The following SLC25A21 variants were observed in gnomAD, a reference collection of about 807,000 sequenced individuals.
The protein encoded by SLC25A21 is solute carrier family 25 member 21.
In SLC25A21, 47 loss-of-function variants were observed where a neutral mutation model predicts 43.8. The ratio of observed to expected loss-of-function variants is 1.07; its 90% CI spans 0.85 to 1.37. The LOEUF (loss-of-function observed/expected upper bound fraction) is 1.37, where lower values mean the gene tolerates loss of function less well. SLC25A21 is among the 40% of genes most tolerant of loss of function. The probability of loss-of-function intolerance (pLI) is 0.00; values close to 1 mark genes in which losing one functional copy is unlikely to be tolerated. For synonymous variants in SLC25A21, 131 were observed against 121.3 expected (o/e 1.08, Z -0.52); for missense variants, 352 against 350.2 (o/e 1.00, Z -0.04).
chr14:36,913,944 T>A (rs1003124336), intron 1 of SLC25A21, among the ~76,000 whole-genome samples: 3 of 152,218 alleles, frequency 2.0e-5, no homozygotes, highest in Admixed American at 1.3e-4. Context: ...TTACAATATG[T>A]GATTGATTAC....
At chr14:36,965,826 G>A (rs1959599790) in intron 1 of SLC25A21, among the ~76,000 whole-genome samples, 1 of 152,058 alleles carries the variant, frequency 6.6e-6, no homozygotes, top group African/African-American at 2.4e-5. Context: ...ATATACTTTG[G>A]TTTGAGATAA....
intron 1 of SLC25A21, among the ~76,000 whole-genome samples, chr14:36,977,467 A>C (rs1435377342): frequency 6.6e-6 from 1 of 152,158 alleles, no homozygotes; most frequent in Non-Finnish European, 1.5e-5. Context: ...AATAATACAG[A>C]ATCTCTCTAA....
chr14:36,790,540 T>C (rs1303597365), intron 3 of SLC25A21, among the ~76,000 whole-genome samples: 2 of 152,180 alleles, frequency 1.3e-5, no homozygotes, highest in Non-Finnish European at 2.9e-5. Flanking sequence ...GAACCTATAT[T>C]GGATAAATAC....
chr14:37,032,783 TTACTA>T (rs1163132860), intron 1 of SLC25A21, among the ~76,000 whole-genome samples: 1 of 152,116 alleles, frequency 6.6e-6, no homozygotes, highest in East Asian at 1.9e-4. Context: ...TATGTGGAGT[TTACTA>T]TACTATTCAG....
At chr14:36,785,155 A>G (rs1887202361) in intron 3 of SLC25A21, among the ~76,000 whole-genome samples, 1 of 152,212 alleles carries the variant, frequency 6.6e-6, no homozygotes, top group Non-Finnish European at 1.5e-5. Context: ...GGAATGGGTC[A>G]GGGAAATCCA....
At chr14:36,791,814 T>C (rs1887495235) in intron 3 of SLC25A21, among the ~76,000 whole-genome samples, 1 of 152,118 alleles carries the variant, frequency 6.6e-6, no homozygotes, top group Admixed American at 6.5e-5. Flanking sequence ...TATTTGAAAA[T>C]TTAAGAGTCA....
chr14:36,968,397 G>C (rs1959668138), intron 1 of SLC25A21, among the ~76,000 whole-genome samples: 1 of 152,114 alleles, frequency 6.6e-6, no homozygotes, highest in Non-Finnish European at 1.5e-5. Context: ...ATTAAATGTA[G>C]TGGAGCAGTG....
At chr14:37,107,889 C>G (rs1289026898) in intron 1 of SLC25A21, among the ~76,000 whole-genome samples, 1 of 152,138 alleles carries the variant, frequency 6.6e-6, no homozygotes, top group Non-Finnish European at 1.5e-5. Context: ...GTAAAAATGA[C>G]AATAGGCCTC....
chr14:36,825,856 G>C (rs965054020), intron 2 of SLC25A21, among the ~76,000 whole-genome samples: 1 of 152,046 alleles, frequency 6.6e-6, no homozygotes, highest in African/African-American at 2.4e-5. Context: ...ATTTCCGCTG[G>C]GGTGAATTGT....
At chr14:36,887,494 C>T (rs911033433) in intron 1 of SLC25A21, among the ~76,000 whole-genome samples, 4 of 148,794 alleles carry the variant, frequency 2.7e-5, no homozygotes, top group African/African-American at 9.9e-5. Context: ...ACCTGGGAGG[C>T]GGATGTTGCA....
chr14:36,883,499 A>G (rs1890815221), intron 1 of SLC25A21, among the ~76,000 whole-genome samples: 1 of 152,204 alleles, frequency 6.6e-6, no homozygotes, highest in Non-Finnish European at 1.5e-5. Context: ...CTAACATACT[A>G]TATCATTTAT....
At chr14:36,964,021 A>G (rs1959558735) in intron 1 of SLC25A21, among the ~76,000 whole-genome samples, 1 of 152,140 alleles carries the variant, frequency 6.6e-6, no homozygotes, top group South Asian at 2.1e-4. Context: ...TTTCTTATGC[A>G]CATATATAAT....
intron 1 of SLC25A21, among the ~76,000 whole-genome samples, chr14:36,905,028 T>G (rs1166430794): frequency 6.6e-6 from 1 of 152,206 alleles, no homozygotes; most frequent in African/African-American, 2.4e-5. Context: ...CCAAAATAAT[T>G]GTTAAATTCT....
intron 1 of SLC25A21, among the ~76,000 whole-genome samples, chr14:36,994,383 A>G (rs1003729495): frequency 6.6e-6 from 1 of 152,226 alleles, no homozygotes; most frequent in African/African-American, 2.4e-5. Context: ...AGGTAATCAG[A>G]CATTTCCTTT....
intron 1 of SLC25A21, among the ~76,000 whole-genome samples, chr14:36,978,440 A>G (rs963071829): frequency 6.6e-6 from 1 of 152,212 alleles, no homozygotes; most frequent in South Asian, 2.1e-4. Context: ...ATGCTAACGA[A>G]GTAGGTACAT....
At chr14:37,055,409 T>C (rs1347143442) in intron 1 of SLC25A21, among the ~76,000 whole-genome samples, 1 of 152,180 alleles carries the variant, frequency 6.6e-6, no homozygotes, top group South Asian at 2.1e-4. Context: ...TCTTCACTGC[T>C]CCACTCATGG....
chr14:37,076,395 A>C (rs1003457021), intron 1 of SLC25A21, among the ~76,000 whole-genome samples: 8 of 150,888 alleles, frequency 5.3e-5, no homozygotes, highest in African/African-American at 2.0e-4. Flanking sequence ...CTGGTCTTGA[A>C]CTCCTGAGCT....
intron 1 of SLC25A21, among the ~76,000 whole-genome samples, chr14:37,057,342 A>G (rs766589374): frequency 2.2e-4 from 33 of 152,196 alleles, no homozygotes; most frequent in Non-Finnish European, 4.1e-4. Context: ...TTTATATAGT[A>G]TATTTTTCCT....
chr14:37,158,424 A>G (rs1008179219), intron 1 of SLC25A21, among the ~76,000 whole-genome samples: 1 of 152,194 alleles, frequency 6.6e-6, no homozygotes, highest in Admixed American at 6.5e-5. Flanking sequence ...AGAATAGTTC[A>G]ACATATGCAA....
Sources: gnomAD v4.1 joint callset for allele counts (sites outside exome capture counted in the v4.1 genomes callset) on GRCh38, gnomAD v4.1.1 for gene constraint, MANE v1.5 for transcripts, NCBI Gene and HGNC (gene_info 2026-07-23, HGNC 2026-07-21) for gene names.